Variants in FIGN observed in about 807,000 individuals in gnomAD.
The protein encoded by FIGN is fidgetin.
Under a neutral mutation model 51.3 loss-of-function variants are expected in FIGN, and 11 were observed. The observed-to-expected ratio is 0.21, with a 90% CI of 0.13 to 0.35. The LOEUF (loss-of-function observed/expected upper bound fraction) is 0.35, where lower values mean the gene tolerates loss of function less well. FIGN is among the 10% of genes least tolerant of loss of function. FIGN has a pLI of 1.00. For synonymous variants in FIGN, 407 were observed against 363.2 expected (o/e 1.12, Z -1.37); for missense variants, 857 against 943.6 (o/e 0.91, Z 1.20).
intron 2 of FIGN, among the ~76,000 whole-genome samples, chr2:163,645,263 C>T (rs1371827): frequency 6.6e-6 from 1 of 151,892 alleles, no homozygotes; most frequent in African/African-American, 2.4e-5. Context: ...AGAGGTGTGC[C>T]TAGATCATGA....
At chr2:163,654,732 A>G (rs1683532462) in intron 2 of FIGN, among the ~76,000 whole-genome samples, 1 of 152,212 alleles carries the variant, frequency 6.6e-6, no homozygotes, top group South Asian at 2.1e-4. Flanking sequence ...TGTTTATAAC[A>G]CAAAGAAAGG....
chr2:163,664,032 C>A (rs976631063), intron 2 of FIGN, among the ~76,000 whole-genome samples: 2 of 152,106 alleles, frequency 1.3e-5, no homozygotes, highest in African/African-American at 4.8e-5. Flanking sequence ...TGTCTTTGGG[C>A]AGTTAGTGGC....
At chr2:163,695,249 C>A (rs1415816036) in intron 2 of FIGN, among the ~76,000 whole-genome samples, 1 of 152,120 alleles carries the variant, frequency 6.6e-6, no homozygotes, top group Non-Finnish European at 1.5e-5. Context: ...TGATTTCATT[C>A]TTCCCTACTT....
At chr2:163,711,500 C>T (rs1300705180) in intron 2 of FIGN, among the ~76,000 whole-genome samples, 1 of 152,108 alleles carries the variant, frequency 6.6e-6, no homozygotes, top group African/African-American at 2.4e-5. Flanking sequence ...GAACTGAACT[C>T]CTTTCCTCAA....
chr2:163,619,797 A>C (rs982885817), intron 2 of FIGN, among the ~76,000 whole-genome samples: 1 of 152,176 alleles, frequency 6.6e-6, no homozygotes. Context: ...TAATTCAAAC[A>C]AGTAATTTTT....
Position 163,657,500 on chromosome 2 carries a change from C to CTGTGTGTGTGTG in FIGN, c.26-45706_26-45695dup, listed in dbSNP as rs72033079. On this transcript the variant is annotated intron_variant, in intron 2 of 2. Transcript: ENST00000333129. Reference sequence around the variant, plus strand: ...CAAACATCAGAATGTCAGAGGGAGTCTGTGTGTGTGTGTGTGTGTGTGTGT... The same window carrying CTGTGTGTGTGTG: ...CAAACATCAGAATGTCAGAGGGAGTCTGTGTGTGTGTGTGTGTGTGTGTGTGTGTGTGTGTGT... Among the ~76,000 whole-genome samples the CTGTGTGTGTGTG allele has an allele frequency of 9.7e-4, 143 of 147,538 alleles. 1 individual carries two copies. Among genetic ancestry groups the CTGTGTGTGTGTG allele is most frequent in the East Asian group, 4.1e-3 (20 of 4,914 alleles).
chr2:163,718,984 T>C (rs1389913576), intron 2 of FIGN, among the ~76,000 whole-genome samples: 1 of 152,132 alleles, frequency 6.6e-6, no homozygotes. Context: ...ACAACATCCA[T>C]ACTTCAACAG....
intron 2 of FIGN, among the ~76,000 whole-genome samples, chr2:163,680,325 C>T (rs1441299313): frequency 6.6e-6 from 1 of 152,194 alleles, no homozygotes; most frequent in Admixed American, 6.5e-5. Flanking sequence ...TTCTGGAATA[C>T]ATCCCCTTTT....
chr2:163,694,792 C>A (rs922334194), intron 2 of FIGN, among the ~76,000 whole-genome samples: 1 of 152,184 alleles, frequency 6.6e-6, no homozygotes, highest in Non-Finnish European at 1.5e-5. Flanking sequence ...TTCTCTACCT[C>A]CATCATCTTA....
At chr2:163,662,613 C>T (rs1019739685) in intron 2 of FIGN, among the ~76,000 whole-genome samples, 8 of 152,138 alleles carry the variant, frequency 5.3e-5, no homozygotes, top group South Asian at 4.1e-4. Flanking sequence ...TTCTGGGGGC[C>T]GGGCCCAGGG....
At chr2:163,727,548 T>C (rs1011062223) in intron 2 of FIGN, among the ~76,000 whole-genome samples, 4 of 152,164 alleles carry the variant, frequency 2.6e-5, no homozygotes, top group African/African-American at 9.6e-5. Context: ...GAAAGTCTCA[T>C]ATGTAGCATT....
At chr2:163,632,792 A>G (rs1271959956) in intron 2 of FIGN, among the ~76,000 whole-genome samples, 1 of 152,216 alleles carries the variant, frequency 6.6e-6, no homozygotes, top group Non-Finnish European at 1.5e-5. Flanking sequence ...TTTCAGAAGC[A>G]TAATACAAAA....
In FIGN at chr2:163,711,674, C is replaced by T. The variant is rs561903679; in HGVS notation, c.25+23229G>A. ...TGTTTCTACAAAAAAAAAAAAAAAA[C>T]TATTTCAGTGTCCAAAAAGGATAAG... On this transcript the variant is annotated intron_variant, in intron 2 of 2. Coordinates refer to ENST00000333129, the MANE Select transcript of FIGN (RefSeq NM_018086.4). 2.6e-3 allele frequency among the ~76,000 whole-genome samples: 304 copies of T among 117,796 alleles called. 2 individuals are homozygous for T. The highest frequency in any genetic ancestry group is 8.7e-3 in the African/African-American group (282 of 32,396). 77.3% of individuals were successfully genotyped at this position (117,796 alleles called of 152,430 possible). A position where few individuals can be genotyped will look rare whatever the true frequency, so the allele number is the denominator to read the frequency against.
chr2:163,619,191 T>C (rs1682928686), intron 2 of FIGN, among the ~76,000 whole-genome samples: 1 of 152,200 alleles, frequency 6.6e-6, no homozygotes, highest in African/African-American at 2.4e-5. Flanking sequence ...AAAGCTTAAT[T>C]TAACAGTGAG....
At chr2:163,734,167 A>C (rs1286577405) in intron 2 of FIGN, among the ~76,000 whole-genome samples, 2 of 152,040 alleles carry the variant, frequency 1.3e-5, no homozygotes, top group Non-Finnish European at 2.9e-5. Context: ...AGTCAATTTC[A>C]GTGCCTGATT....
intron 2 of FIGN, among the ~76,000 whole-genome samples, chr2:163,618,011 A>G (rs1204614653): frequency 6.6e-6 from 1 of 152,184 alleles, no homozygotes; most frequent in Non-Finnish European, 1.5e-5. Flanking sequence ...TTTTCCTTCA[A>G]CCTCAGGACA....
chr2:163,681,154 C>T (rs1350712650), intron 2 of FIGN, among the ~76,000 whole-genome samples: 1 of 152,082 alleles, frequency 6.6e-6, no homozygotes, highest in Non-Finnish European at 1.5e-5. Context: ...TGTTTTATTG[C>T]TTTTCTGAGG....
chr2:163,611,039 C>T lies in FIGN; in HGVS notation c.793G>A (p.Gly265Arg). The T allele has an allele frequency of 1.9e-6, 3 of 1,613,892 alleles. No individual in the cohort carries two copies. Among genetic ancestry groups the T allele is most frequent in the African/African-American group, 1.3e-5 (1 of 75,028 alleles). The change falls in exon 3 of 3, where the codon GGG becomes AGG. Residue 265 changes from glycine to arginine, a missense_variant. Around this residue, in one of 3 missense-constraint regions of FIGN, gnomAD observed 799 missense variants for 849.5 expected, o/e 0.94. Transcript: ENST00000333129. The stretch of plus-strand genomic sequence containing the variant: ...GCTGAAGGCGGAGGCGGTGCCCCCC[C>T]AGGGCTGTACCCAGACCCCACAGCA... ...QTAVGSGYSP[G>R]GAPPPPSAYL...
Position 163,700,446 on chromosome 2 carries a change from G to A in FIGN, c.25+34457C>T, listed in dbSNP as rs79847657. ...TAGTTTCATAGGATAACAAGAAGCA[G>A]GATTTGTCGCAGAATGGCGACAGTG... is the stretch of plus-strand genomic sequence containing the variant. On this transcript the variant is annotated intron_variant, in intron 2 of 2. Transcript: ENST00000333129. Among the ~76,000 whole-genome samples, 310 of 152,252 alleles carry A rather than the reference G, an allele frequency of 2.0e-3. 4 individuals carry two copies. The highest frequency in any genetic ancestry group is 0.016 in the Admixed American group (237 of 15,280).
Sources: allele counts gnomAD v4.1 joint callset (sites outside exome capture counted in the v4.1 genomes callset), GRCh38; gene constraint gnomAD v4.1.1; regional missense constraint gnomAD v4.1.1; transcripts MANE v1.5; gene names NCBI Gene and HGNC (gene_info 2026-07-23, HGNC 2026-07-21).